The following DST variants were observed in gnomAD, a reference collection of about 807,000 sequenced individuals.
DST encodes dystonin, also known as bullous pemphigoid antigen.
DST carries 253 observed loss-of-function variants against 875.2 expected under a neutral mutation model. That is an observed-to-expected ratio of 0.29 (90% CI 0.26 to 0.32). The LOEUF is 0.32. Among genes scored for constraint, DST ranks in the 10% least tolerant of loss-of-function variants. The probability of loss-of-function intolerance (pLI) is 1.00; values close to 1 mark genes in which losing one functional copy is unlikely to be tolerated. For missense variants in DST, 8,287 were observed against 9,111.6 expected (o/e 0.91, Z 3.68); for synonymous variants, 3,124 against 3,197.1 (o/e 0.98, Z 0.77).
intron 97 of DST, 89 bp from the exon 98 acceptor site, chr6:56,469,088 T>C: frequency 1.0e-6 from 1 of 997,978 alleles, no homozygotes; most frequent in Non-Finnish European, 1.5e-6. Flanking sequence ...ATACTCACAC[T>C]CTGTGCTTCT....
rs1421956338 is a variant in DST at position 56,640,596 on chromosome 6, T to C, written c.2037A>G (p.Lys679=). ...QADQLVQRVA[K]LRDEIMALRN... ...TTAAGGCCATAATTTCGTCACGCAG[T>C]TTTGCAACCCTGAAAAGAAAATCCA... Residue 679 remains lysine, a synonymous_variant, in exon 18 of 104, where the codon AAA becomes AAG. Coordinates refer to ENST00000680361, the MANE Select transcript of DST (RefSeq NM_001374736.1). 6.2e-7 allele frequency: 1 copy of C among 1,614,014 alleles called. No homozygotes were observed. Among genetic ancestry groups the C allele is most frequent in the Non-Finnish European group, 8.5e-7 (1 of 1,179,954 alleles).
At chr6:56,555,864 C>T (rs192816612) in intron 59 of DST, 24 bp from the exon 60 acceptor site, 47 of 1,451,002 alleles carry the variant, frequency 3.2e-5, no homozygotes, top group East Asian at 2.1e-4. Context: ...GGTAAACAAA[C>T]GCAAATTATT....
intron 87 of DST, among the ~76,000 whole-genome samples, chr6:56,486,399 AAACT>A (rs1281047439): frequency 1.3e-5 from 2 of 149,302 alleles, no homozygotes; most frequent in African/African-American, 2.4e-5. Flanking sequence ...GATTTTTTCA[AAACT>A]AACATGACAA....
rs2097341581 is a variant in DST, at chr6:56,552,541, T to C, written c.16251A>G (p.Thr5417=). The C allele has an allele frequency of 1.2e-6, 2 of 1,614,018 alleles. No individual in the cohort carries two copies. Among genetic ancestry groups the C allele is most frequent in the Non-Finnish European group, 8.5e-7 (1 of 1,179,892 alleles). ...TTATAGTTTCCTTTTGCTTTTGCAA[T>C]GTTTCTGCATCTCTCCCCACTGGAG... ...SMAPVGRDAE[T]LQKQKETIKA... is the part of the protein sequence containing the mutation. Residue 5417 remains threonine (T), a synonymous_variant, in exon 61 of 104, where the codon ACA becomes ACG. Coordinates refer to ENST00000680361, the MANE Select transcript of DST (RefSeq NM_001374736.1).
chr6:56,461,666 T>C (rs1320180054), intron 102 of DST: 2 of 152,250 alleles, frequency 1.3e-5, no homozygotes, highest in Admixed American at 1.3e-4. Context: ...TCAAAATAAC[T>C]ACTTAGACTT....
intron 36 of DST, chr6:56,616,005 C>G: frequency 6.2e-7 from 1 of 1,614,176 alleles, no homozygotes; most frequent in South Asian, 1.1e-5. Flanking sequence ...TCAATTATGC[C>G]CCCTGTACTG....
Position 56,482,785 on chromosome 6 carries a change from G to C in DST, c.21300C>G (p.Ser7100=). ...CCTGCATCTGGACCTTGACCCAGGAGGAGTCATCCCGACTGCCTTCTATGA... is the reference window on the plus strand; with the variant it reads ...CCTGCATCTGGACCTTGACCCAGGACGAGTCATCCCGACTGCCTTCTATGA... The part of the protein sequence containing the change: ...RELIEGSRDD[S]SWVKVQMQEL... Residue 7100 remains serine, a synonymous_variant, in exon 89 of 104, where the codon TCC becomes TCG. Coordinates refer to ENST00000680361, the MANE Select transcript of DST (RefSeq NM_001374736.1). 1 of 1,613,802 alleles carries C rather than the reference G, an allele frequency of 6.2e-7. No individual in the cohort carries two copies.
chr6:56,487,487 CTA>C (rs879806233), intron 86 of DST, among the ~76,000 whole-genome samples: 1 of 152,092 alleles, frequency 6.6e-6, no homozygotes, highest in Non-Finnish European at 1.5e-5. Flanking sequence ...AATAAAGTAC[CTA>C]AGATATTCAA....
At chr6:56,764,786 C>G (rs573755264) in intron 4 of DST, among the ~76,000 whole-genome samples, 2 of 152,034 alleles carry the variant, frequency 1.3e-5, no homozygotes, top group African/African-American at 4.8e-5. Context: ...GGTGAAACAC[C>G]ATCTCTACAA....
rs758317083 is a variant in DST, at chr6:56,648,582, A to G, written c.1542T>C (p.Pro514=). 6.3e-7 allele frequency: 1 copy of G among 1,580,052 alleles called. No individual in the cohort carries two copies. The highest frequency in any genetic ancestry group is 2.3e-5 in the East Asian group (1 of 44,146). Residue 514 remains proline (P), a synonymous_variant, in exon 13 of 104, where the codon CCT becomes CCC. Coordinates refer to ENST00000680361, the MANE Select transcript of DST (RefSeq NM_001374736.1). ...CAGTGACACTAACCTTCAGTTCTAC[A>G]GGATTATTAGGAAATGTTCTCTCAG... ...TMSERTFPNN[P]VELKALYNQY... is the part of the protein sequence containing the mutation.
chr6:56,887,958 T>TC (rs1484118444), intron 3 of DST, among the ~76,000 whole-genome samples: 1 of 151,728 alleles, frequency 6.6e-6, no homozygotes, highest in African/African-American at 2.4e-5. Context: ...GAAATCTTTT[T>TC]TTTTTTTTTT....
chr6:56,545,637 T>C (rs2097209066), intron 61 of DST, among the ~76,000 whole-genome samples: 1 of 152,208 alleles, frequency 6.6e-6, no homozygotes, highest in African/African-American at 2.4e-5. Flanking sequence ...AAAAGTTTTA[T>C]CATTCACATT....
intron 4 of DST, among the ~76,000 whole-genome samples, chr6:56,831,778 T>G (rs2099787358): frequency 6.6e-6 from 1 of 151,968 alleles, no homozygotes; most frequent in South Asian, 2.1e-4. Flanking sequence ...CTCTTCCCAG[T>G]TTTTCCAGGG....
chr6:56,760,163 A>AT lies in DST; in HGVS notation c.626-24875dup, dbSNP rs560943463. Among the ~76,000 whole-genome samples, 826 of 152,332 alleles carry AT rather than the reference A, an allele frequency of 5.4e-3. 6 individuals are homozygous for AT. Among genetic ancestry groups the AT allele is most frequent in the African/African-American group, 0.019 (783 of 41,570 alleles). ...TTTCTAAATATATTCAAAGACACATATCTAACTTTGAAATATGTACCTAGA... is the reference window on the plus strand; with the variant it reads ...TTTCTAAATATATTCAAAGACACATATTCTAACTTTGAAATATGTACCTAGA... On this transcript the variant is annotated intron_variant, in intron 4 of 103. Transcript: ENST00000680361.
chr6:56,642,846 A>AG (rs1181841325), intron 15 of DST: 56 of 1,609,380 alleles, frequency 3.5e-5, no homozygotes, highest in Non-Finnish European at 4.2e-5. Context: ...AAAAGGTAGG[A>AG]GGTCTGGAAA....
intron 10 of DST, among the ~76,000 whole-genome samples, chr6:56,668,525 T>C (rs1270401385): frequency 6.6e-6 from 1 of 152,100 alleles, no homozygotes; most frequent in African/African-American, 2.4e-5. Context: ...GCGGATCACC[T>C]GAGGTAAGGA....
intron 73 of DST, among the ~76,000 whole-genome samples, chr6:56,510,780 C>T (rs922679309): frequency 6.6e-6 from 1 of 152,192 alleles, no homozygotes; most frequent in African/African-American, 2.4e-5. Flanking sequence ...AAAAAACCAT[C>T]AATATCCAAC....
Position 56,592,172 on chromosome 6 carries a change from C to A in DST, c.12903+10G>T, listed in dbSNP as rs201012735. On this transcript the variant is annotated intron_variant, in intron 49 of 103. Transcript: ENST00000680361. ...CTACTGGAAATGTGGATCTTTCTCT[C>A]GCTTTTTACCTTGGTCTCTTCTAAT... 7.5e-6 allele frequency: 12 copies of A among 1,609,942 alleles called. No homozygotes were observed. In the Admixed American group the frequency reaches 8.4e-5, roughly 11 times the overall value.
At chr6:56,546,387 T>A (rs1224270490) in intron 61 of DST, among the ~76,000 whole-genome samples, 5 of 112,548 alleles carry the variant, frequency 4.4e-5, no homozygotes, top group Non-Finnish European at 5.4e-5. Flanking sequence ...TATATATATA[T>A]ATAAATGTCA....
Sources: gnomAD v4.1 joint callset for allele counts (sites outside exome capture counted in the v4.1 genomes callset) on GRCh38, gnomAD v4.1.1 for gene constraint, MANE v1.5 for transcripts, NCBI Gene and HGNC (gene_info 2026-07-23, HGNC 2026-07-21) for gene names.